Variants in CNTNAP2 observed in about 807,000 individuals in gnomAD.
The protein encoded by CNTNAP2 is contactin-associated protein-like 2.
In CNTNAP2, 98 loss-of-function variants were observed where a neutral mutation model predicts 155.2. The ratio of observed to expected loss-of-function variants is 0.63; its 90% confidence interval spans 0.54 to 0.75. The LOEUF is 0.75. Among genes scored for constraint, CNTNAP2 ranks in the 30% least tolerant of loss-of-function variants. The pLI, the probability that CNTNAP2 is intolerant of heterozygous loss-of-function variation, is 0.00. For synonymous variants in CNTNAP2, 651 were observed against 631.2 expected (o/e 1.03, Z -0.47); for missense variants, 1,727 against 1,688.1 (o/e 1.02, Z -0.40).
chr7:147,381,626 T>A (rs10239550), intron 9 of CNTNAP2, among the ~76,000 whole-genome samples: 19,910 of 152,164 alleles, frequency 0.13, 1,544 homozygotes, highest in East Asian at 0.32. Flanking sequence ...TTGTGGCCCC[T>A]AGGCAACGAT....
At chr7:146,841,517 A>G (rs529170302) in intron 3 of CNTNAP2, among the ~76,000 whole-genome samples, 90 of 152,186 alleles carry the variant, frequency 5.9e-4, no homozygotes, top group African/African-American at 2.0e-3. Context: ...ATGGTTTCTA[A>G]ACTAAGATCA....
intron 3 of CNTNAP2, among the ~76,000 whole-genome samples, chr7:146,888,371 A>C (rs1795710783): frequency 6.6e-6 from 1 of 152,054 alleles, no homozygotes; most frequent in Admixed American, 6.6e-5. Context: ...CTTACTTTCT[A>C]TCACTTGTTA....
chr7:147,586,138 T>C (rs897687439), intron 12 of CNTNAP2, among the ~76,000 whole-genome samples: 5 of 152,112 alleles, frequency 3.3e-5, no homozygotes, highest in Admixed American at 6.6e-5. Context: ...TTAATTATGG[T>C]CTAAAGACAT....
intron 13 of CNTNAP2, among the ~76,000 whole-genome samples, chr7:147,898,048 A>G (rs988562929): frequency 1.3e-5 from 2 of 152,318 alleles, no homozygotes; most frequent in South Asian, 4.1e-4. Flanking sequence ...TTGACTGTTT[A>G]CCAGATTAAG....
At chr7:146,585,927 C>T (rs577115819) in intron 1 of CNTNAP2, among the ~76,000 whole-genome samples, 1 of 152,092 alleles carries the variant, frequency 6.6e-6, no homozygotes, top group East Asian at 1.9e-4. Context: ...ATTACTTGTG[C>T]TTGAGAGGTG....
At chr7:146,783,525 T>C (rs1802524986) in intron 2 of CNTNAP2, among the ~76,000 whole-genome samples, 1 of 152,224 alleles carries the variant, frequency 6.6e-6, no homozygotes, top group Non-Finnish European at 1.5e-5. Context: ...ACACTTGTTA[T>C]AAATGATAGA....
At chr7:147,882,374 A>G (rs1799535772) in intron 13 of CNTNAP2, among the ~76,000 whole-genome samples, 1 of 152,220 alleles carries the variant, frequency 6.6e-6, no homozygotes, top group African/African-American at 2.4e-5. Flanking sequence ...CAGGATCTGT[A>G]ATATCCTTGG....
chr7:146,947,386 C>T (rs1002494439), intron 3 of CNTNAP2, among the ~76,000 whole-genome samples: 4 of 91,896 alleles, frequency 4.4e-5, no homozygotes, highest in Non-Finnish European at 7.1e-5. Flanking sequence ...TTCTCTCTTT[C>T]TCTCTCTCTC....
chr7:147,518,409 G>T (rs1378668319), intron 11 of CNTNAP2, among the ~76,000 whole-genome samples: 1 of 152,144 alleles, frequency 6.6e-6, no homozygotes, highest in Non-Finnish European at 1.5e-5. Flanking sequence ...AAGGAGACAG[G>T]CAAGATGCTG....
At chr7:146,263,158 G>T (rs966616066) in intron 1 of CNTNAP2, among the ~76,000 whole-genome samples, 3 of 151,720 alleles carry the variant, frequency 2.0e-5, no homozygotes, top group African/African-American at 7.3e-5. Context: ...CTCTACCAAA[G>T]ATACAAAAAA....
intron 8 of CNTNAP2, among the ~76,000 whole-genome samples, chr7:147,262,185 T>C (rs1233152783): frequency 6.6e-6 from 1 of 152,202 alleles, no homozygotes; most frequent in Non-Finnish European, 1.5e-5. Flanking sequence ...ATGTGGAACA[T>C]ACTGAAGGAT....
At chr7:148,051,990 T>G (rs1300722428) in intron 15 of CNTNAP2, among the ~76,000 whole-genome samples, 1 of 151,936 alleles carries the variant, frequency 6.6e-6, no homozygotes, top group African/African-American at 2.4e-5. Context: ...ATACAAAAAA[T>G]TAGCCGGGCG....
At chr7:148,297,165 A>AAGGAAGGAAGGAAGGAAGGAAGG (rs1797299988) in intron 21 of CNTNAP2, among the ~76,000 whole-genome samples, 32 of 128,926 alleles carry the variant, frequency 2.5e-4, no homozygotes, top group Middle Eastern at 3.8e-3. Context: ...GAGATAGAGA[A>AAGGAAGGAAGGAAGGAAGGAAGG]AAGGAAGGAA....
intron 3 of CNTNAP2, among the ~76,000 whole-genome samples, chr7:146,953,593 C>A (rs180830097): frequency 5.4e-4 from 82 of 152,028 alleles, no homozygotes; most frequent in African/African-American, 1.8e-3. Context: ...ATACCTCTTG[C>A]ATCATATATA....
chr7:148,172,177 A>G (rs1805805273), intron 17 of CNTNAP2, 65 bp from the exon 18 acceptor site: 1 of 1,506,802 alleles, frequency 6.6e-7, no homozygotes, highest in African/African-American at 1.4e-5. Context: ...GTTGTTCAAA[A>G]TATGAAGAAT....
intron 13 of CNTNAP2, among the ~76,000 whole-genome samples, chr7:147,717,123 A>G (rs976521489): frequency 2.0e-5 from 3 of 152,134 alleles, no homozygotes; most frequent in Non-Finnish European, 4.4e-5. Flanking sequence ...AAAGAAAAAA[A>G]AAGGAGAGTC....
At chr7:148,173,048 A>G (rs1794853869) in intron 18 of CNTNAP2, among the ~76,000 whole-genome samples, 1 of 152,220 alleles carries the variant, frequency 6.6e-6, no homozygotes, top group African/African-American at 2.4e-5. Context: ...CTGAAAAACC[A>G]CATTTAATTG....
intron 1 of CNTNAP2, among the ~76,000 whole-genome samples, chr7:146,529,296 C>G (rs1797734564): frequency 6.6e-6 from 1 of 152,030 alleles, no homozygotes; most frequent in Non-Finnish European, 1.5e-5. Context: ...AAAGAAATTA[C>G]TCAACATAAA....
chr7:147,300,575 G>T (rs1355759552), intron 9 of CNTNAP2, among the ~76,000 whole-genome samples: 8 of 152,118 alleles, frequency 5.3e-5, no homozygotes, highest in African/African-American at 1.7e-4. Context: ...CAAAAGTCAG[G>T]TCCTTGGAAT....
Sources: allele counts gnomAD v4.1 joint callset (sites outside exome capture counted in the v4.1 genomes callset), GRCh38; gene constraint gnomAD v4.1.1; transcripts MANE v1.5; gene names NCBI Gene and HGNC (gene_info 2026-07-23, HGNC 2026-07-21).